The following SUCLG2 variants were observed in gnomAD, a reference collection of about 807,000 sequenced individuals.
SUCLG2 encodes succinate--CoA ligase [GDP-forming] subunit beta, mitochondrial.
Under a neutral mutation model 47.9 loss-of-function variants are expected in SUCLG2, and 42 were observed. The observed-to-expected ratio is 0.88, with a 90% confidence interval of 0.69 to 1.14. SUCLG2 has a LOEUF of 1.14. Among genes scored for constraint, SUCLG2 ranks in the 50% most tolerant of loss-of-function variants. The probability of loss-of-function intolerance (pLI) is 0.00; values close to 1 mark genes in which losing one functional copy is unlikely to be tolerated. For synonymous variants in SUCLG2, 195 were observed against 197.3 expected (o/e 0.99, Z 0.10); for missense variants, 571 against 525.9 (o/e 1.09, Z -0.84).
At chr3:67,615,406 A>C (rs6794625) in intron 1 of SUCLG2, among the ~76,000 whole-genome samples, 47,759 of 151,922 alleles carry the variant, frequency 0.31, 8,093 homozygotes, top group Non-Finnish European at 0.38. Flanking sequence ...CACCCCTGAA[A>C]GGGAAAATCG....
At chr3:67,610,677 G>C (rs1287407754) in intron 1 of SUCLG2, among the ~76,000 whole-genome samples, 1 of 152,148 alleles carries the variant, frequency 6.6e-6, no homozygotes, top group Admixed American at 6.6e-5. Flanking sequence ...GTAGTACATG[G>C]ACATCATCTG....
intron 9 of SUCLG2, among the ~76,000 whole-genome samples, chr3:67,470,224 G>C (rs1034913139): frequency 6.6e-6 from 1 of 152,136 alleles, no homozygotes; most frequent in Non-Finnish European, 1.5e-5. Context: ...CAGTTCAAAT[G>C]AGAAACTTAA....
intron 9 of SUCLG2, among the ~76,000 whole-genome samples, chr3:67,472,174 C>T (rs543220145): frequency 6.6e-6 from 1 of 152,266 alleles, no homozygotes; most frequent in East Asian, 1.9e-4. Flanking sequence ...TTCTTGGACT[C>T]TAATTTGAGG....
chr3:67,573,029 G>A (rs1707657149), intron 2 of SUCLG2, among the ~76,000 whole-genome samples: 1 of 152,068 alleles, frequency 6.6e-6, no homozygotes, highest in South Asian at 2.1e-4. Flanking sequence ...TACAAGCAAT[G>A]AATAATCTAA....
intron 2 of SUCLG2, among the ~76,000 whole-genome samples, chr3:67,592,732 A>AC (rs902314656): frequency 2.4e-5 from 3 of 124,410 alleles, no homozygotes; most frequent in African/African-American, 9.4e-5. Context: ...AAAAAAAAAA[A>AC]AAAACAACAA....
chr3:67,441,319 T>C (rs1175922446), intron 9 of SUCLG2, among the ~76,000 whole-genome samples: 1 of 151,234 alleles, frequency 6.6e-6, no homozygotes, highest in Non-Finnish European at 1.5e-5. Flanking sequence ...GGCATGTGTA[T>C]AACTATGTAA....
At chr3:67,500,697 T>C (rs549358077) in intron 7 of SUCLG2, among the ~76,000 whole-genome samples, 89 of 152,326 alleles carry the variant, frequency 5.8e-4, no homozygotes, top group African/African-American at 2.1e-3. Flanking sequence ...TTCTAATTAA[T>C]TTATTAGTAA....
chr3:67,458,570 A>G (rs1038462231), intron 9 of SUCLG2, among the ~76,000 whole-genome samples: 1 of 152,160 alleles, frequency 6.6e-6, no homozygotes, highest in Non-Finnish European at 1.5e-5. Flanking sequence ...GATTCTTTTC[A>G]GCTCTGAAAT....
chr3:67,500,057 T>C (rs898764621), intron 7 of SUCLG2, among the ~76,000 whole-genome samples: 14 of 152,166 alleles, frequency 9.2e-5, no homozygotes, highest in East Asian at 1.9e-4. Context: ...ACTTGGGATA[T>C]TGATAGCCAG....
Position 67,575,788 on chromosome 3 carries a change from T to C in SUCLG2, c.226+33667A>G, listed in dbSNP as rs115701879. 6.6e-3 allele frequency among the ~76,000 whole-genome samples: 1,005 copies of C among 152,304 alleles called. 4 individuals are homozygous for C. Among genetic ancestry groups the C allele is most frequent in the Middle Eastern group, 0.044 (13 of 294 alleles). On this transcript the variant is annotated intron_variant, in intron 2 of 10. Coordinates refer to ENST00000307227, the MANE Select transcript of SUCLG2 (RefSeq NM_003848.4). ...GGAAGCATGTGTTCTTGGGAAATTA[T>C]TACAATTATGCTATTGCTACTGAAC...
At chr3:67,402,616 C>T (rs907171468) in intron 9 of SUCLG2, among the ~76,000 whole-genome samples, 1 of 152,132 alleles carries the variant, frequency 6.6e-6, no homozygotes, top group African/African-American at 2.4e-5. Flanking sequence ...CTTGCCAGAA[C>T]AATAGAAGAA....
intron 1 of SUCLG2, among the ~76,000 whole-genome samples, chr3:67,636,858 G>A (rs1007372871): frequency 6.6e-6 from 1 of 151,788 alleles, no homozygotes; most frequent in African/African-American, 2.4e-5. Context: ...AGATCCTGGT[G>A]GAGGATATAA....
intron 1 of SUCLG2, among the ~76,000 whole-genome samples, chr3:67,623,595 T>C (rs771111045): frequency 1.7e-4 from 26 of 152,058 alleles, no homozygotes; most frequent in Non-Finnish European, 3.5e-4. Flanking sequence ...GGGGAAAAAA[T>C]CTTGTTCTGG....
At chr3:67,565,470 T>A (rs1041752340) in intron 2 of SUCLG2, among the ~76,000 whole-genome samples, 14 of 152,202 alleles carry the variant, frequency 9.2e-5, no homozygotes, top group African/African-American at 1.9e-4. Context: ...GCCATACTTT[T>A]AAAAAATTAA....
At chr3:67,393,039 A>C (rs566967496) in intron 10 of SUCLG2, among the ~76,000 whole-genome samples, 2 of 152,296 alleles carry the variant, frequency 1.3e-5, no homozygotes, top group Admixed American at 6.5e-5. Flanking sequence ...TGGGGAAGGC[A>C]GCCAAGATGG....
chr3:67,646,319 G>C (rs187936573), intron 1 of SUCLG2, among the ~76,000 whole-genome samples: 1 of 152,120 alleles, frequency 6.6e-6, no homozygotes. Context: ...AAGTTTGGCC[G>C]GGCACGGTGG....
chr3:67,438,435 A>C (rs1703677770), intron 9 of SUCLG2, among the ~76,000 whole-genome samples: 1 of 152,136 alleles, frequency 6.6e-6, no homozygotes, highest in Non-Finnish European at 1.5e-5. Flanking sequence ...CACCCAAAAA[A>C]AATCAATGAA....
At chr3:67,412,392 T>C (rs1702948786) in intron 9 of SUCLG2, among the ~76,000 whole-genome samples, 1 of 152,298 alleles carries the variant, frequency 6.6e-6, no homozygotes, top group South Asian at 2.1e-4. Context: ...CTGAGGCACA[T>C]GTTAAACAGA....
At chr3:67,636,354 T>A (rs966056132) in intron 1 of SUCLG2, among the ~76,000 whole-genome samples, 1 of 134,668 alleles carries the variant, frequency 7.4e-6, no homozygotes, top group Non-Finnish European at 1.6e-5. Flanking sequence ...GGCAGAATCC[T>A]TTTTTTTTTT....
Sources: allele counts gnomAD v4.1 joint callset (sites outside exome capture counted in the v4.1 genomes callset), GRCh38; gene constraint gnomAD v4.1.1; transcripts MANE v1.5; gene names NCBI Gene and HGNC (gene_info 2026-07-23, HGNC 2026-07-21).